The following GALNTL6 variants were observed in gnomAD, a reference collection of about 807,000 sequenced individuals.
The protein encoded by GALNTL6 is polypeptide N-acetylgalactosaminyltransferase like 6.
A neutral mutation model predicts 73.7 loss-of-function variants in GALNTL6; 46 were observed. The ratio of observed to expected loss-of-function variants is 0.62; its 90% CI spans 0.49 to 0.80. The LOEUF (loss-of-function observed/expected upper bound fraction) is 0.80, where lower values mean the gene tolerates loss of function less well. Ranked by LOEUF, GALNTL6 falls within the 30% of genes least tolerant of loss-of-function variation. The pLI, the probability that GALNTL6 is intolerant of heterozygous loss-of-function variation, is 0.00. For synonymous variants in GALNTL6, 259 were observed against 263.7 expected (o/e 0.98, Z 0.17); for missense variants, 604 against 755.0 (o/e 0.80, Z 2.34).
At chr4:172,685,103 T>C (rs1217829492) in intron 5 of GALNTL6, among the ~76,000 whole-genome samples, 3 of 152,152 alleles carry the variant, frequency 2.0e-5, no homozygotes, top group African/African-American at 7.2e-5. Context: ...TTCAGATATG[T>C]AGAGGAAAAT....
At chr4:172,501,112 A>G (rs753439436) in intron 5 of GALNTL6, among the ~76,000 whole-genome samples, 46 of 152,356 alleles carry the variant, frequency 3.0e-4, no homozygotes, top group African/African-American at 1.0e-3. Context: ...GAGTACATGC[A>G]TAACTGGTGA....
intron 2 of GALNTL6, among the ~76,000 whole-genome samples, chr4:171,863,262 C>T (rs1735882016): frequency 6.6e-6 from 1 of 152,066 alleles, no homozygotes. Flanking sequence ...AGAAACTAAT[C>T]AATAAACATA....
chr4:172,019,804 A>T (rs1384133611), intron 2 of GALNTL6, among the ~76,000 whole-genome samples: 2 of 152,096 alleles, frequency 1.3e-5, no homozygotes, highest in African/African-American at 2.4e-5. Context: ...CTTCACCTTC[A>T]TTATAGGCCA....
chr4:172,538,966 A>T (rs1735448464), intron 5 of GALNTL6, among the ~76,000 whole-genome samples: 1 of 152,200 alleles, frequency 6.6e-6, no homozygotes, highest in Non-Finnish European at 1.5e-5. Flanking sequence ...GACTCAAAAG[A>T]AAAAGAAACT....
intron 2 of GALNTL6, among the ~76,000 whole-genome samples, chr4:172,184,053 A>C (rs1323259893): frequency 6.6e-6 from 1 of 152,078 alleles, no homozygotes; most frequent in Non-Finnish European, 1.5e-5. Context: ...GGCCTCCCAA[A>C]GTGTGGGATT....
chr4:172,652,655 A>G (rs1740529284), intron 5 of GALNTL6, among the ~76,000 whole-genome samples: 1 of 152,200 alleles, frequency 6.6e-6, no homozygotes, highest in African/African-American at 2.4e-5. Context: ...GAGGATTTCC[A>G]TTATTTTCAA....
At chr4:172,810,611 A>C (rs750376) in intron 6 of GALNTL6, among the ~76,000 whole-genome samples, 30,068 of 152,038 alleles carry the variant, frequency 0.2, 3,742 homozygotes, top group African/African-American at 0.33. Flanking sequence ...GGGGGCGGGG[A>C]AATCAATTGA....
chr4:172,555,684 CA>C (rs1012725764), intron 5 of GALNTL6, among the ~76,000 whole-genome samples: 2 of 151,192 alleles, frequency 1.3e-5, no homozygotes, highest in Non-Finnish European at 3.0e-5. Flanking sequence ...TCCCTAAATG[CA>C]AAAAAAATTC....
intron 2 of GALNTL6, among the ~76,000 whole-genome samples, chr4:171,843,424 G>C (rs1735292330): frequency 6.6e-6 from 1 of 151,838 alleles, no homozygotes; most frequent in African/African-American, 2.4e-5. Flanking sequence ...AAAGATTACT[G>C]ACATTCTTGC....
At chr4:172,850,802 A>G (rs1291450292) in intron 7 of GALNTL6, among the ~76,000 whole-genome samples, 5 of 152,142 alleles carry the variant, frequency 3.3e-5, no homozygotes, top group African/African-American at 1.2e-4. Context: ...GATCTCAGGG[A>G]AAGATTTTCC....
At chr4:171,978,984 C>T (rs895891920) in intron 2 of GALNTL6, among the ~76,000 whole-genome samples, 1 of 152,060 alleles carries the variant, frequency 6.6e-6, no homozygotes, top group Non-Finnish European at 1.5e-5. Context: ...TGTTATTATA[C>T]AAAATGTGTC....
intron 2 of GALNTL6, among the ~76,000 whole-genome samples, chr4:172,132,300 A>C (rs942699794): frequency 2.6e-5 from 4 of 152,242 alleles, no homozygotes; most frequent in Admixed American, 2.6e-4. Context: ...GAAAACACCC[A>C]ATTTAATAAT....
intron 5 of GALNTL6, among the ~76,000 whole-genome samples, chr4:172,581,570 A>G (rs1737192293): frequency 6.6e-6 from 1 of 152,024 alleles, no homozygotes; most frequent in Non-Finnish European, 1.5e-5. Flanking sequence ...CTGTCCCAAT[A>G]TGCTTCTCTT....
chr4:172,570,455 T>G (rs538582696), intron 5 of GALNTL6, among the ~76,000 whole-genome samples: 1 of 147,496 alleles, frequency 6.8e-6, no homozygotes, highest in East Asian at 1.9e-4. Context: ...TTCAGACTGG[T>G]GCTGTATTTG....
intron 10 of GALNTL6, among the ~76,000 whole-genome samples, chr4:172,997,250 G>A (rs769189402): frequency 2.6e-5 from 4 of 152,100 alleles, no homozygotes; most frequent in African/African-American, 4.8e-5. Flanking sequence ...CAGTGAATTA[G>A]TTATAACCAT....
At chr4:172,463,142 C>T (rs1002687584) in intron 5 of GALNTL6, among the ~76,000 whole-genome samples, 1 of 151,940 alleles carries the variant, frequency 6.6e-6, no homozygotes, top group African/African-American at 2.4e-5. Flanking sequence ...TCAAAAAACA[C>T]AAGAGCTTAG....
chr4:172,579,370 AC>A (rs1342343047), intron 5 of GALNTL6, among the ~76,000 whole-genome samples: 3 of 152,302 alleles, frequency 2.0e-5, no homozygotes, highest in African/African-American at 4.8e-5. Context: ...GGTATAGAAT[AC>A]CTAAAATACT....
At chr4:172,276,348 A>G (rs1230320152) in intron 3 of GALNTL6, among the ~76,000 whole-genome samples, 2 of 152,250 alleles carry the variant, frequency 1.3e-5, no homozygotes, top group South Asian at 2.1e-4. Flanking sequence ...GAATAATCCC[A>G]GCATGACTGA....
intron 2 of GALNTL6, among the ~76,000 whole-genome samples, chr4:171,821,551 G>A (rs1339549802): frequency 2.0e-5 from 3 of 151,746 alleles, no homozygotes; most frequent in Non-Finnish European, 2.9e-5. Context: ...TTCTTAATTA[G>A]TAAAATGCAG....
Sources: gnomAD v4.1 joint callset for allele counts (sites outside exome capture counted in the v4.1 genomes callset) on GRCh38, gnomAD v4.1.1 for gene constraint, MANE v1.5 for transcripts, NCBI Gene and HGNC (gene_info 2026-07-23, HGNC 2026-07-21) for gene names.